The following LRRTM4 variants were observed in gnomAD, a reference collection of about 807,000 sequenced individuals.
LRRTM4 encodes the protein leucine-rich repeat transmembrane neuronal protein 4.
A neutral mutation model predicts 47.6 loss-of-function variants in LRRTM4; 25 were observed. That is an observed-to-expected ratio of 0.53 (90% confidence interval 0.38 to 0.73). LRRTM4 has a LOEUF of 0.73. Ranked by LOEUF, LRRTM4 falls within the 30% of genes least tolerant of loss-of-function variation. LRRTM4 has a pLI of 0.00. For missense variants in LRRTM4, 638 were observed against 713.4 expected, an observed-to-expected ratio of 0.89 and a Z score of 1.20; for synonymous variants, 311 against 269.5, an observed-to-expected ratio of 1.15 and a Z score of -1.51.
At chr2:77,068,289 GTTTT>G (rs917782032) in intron 3 of LRRTM4, among the ~76,000 whole-genome samples, 2 of 151,248 alleles carry the variant, frequency 1.3e-5, no homozygotes, top group Non-Finnish European at 3.0e-5. Flanking sequence ...AATGCTTCCT[GTTTT>G]TTTTTAAATT....
At chr2:77,441,216 G>C (rs1236091065) in intron 3 of LRRTM4, among the ~76,000 whole-genome samples, 1 of 152,094 alleles carries the variant, frequency 6.6e-6, no homozygotes, top group African/African-American at 2.4e-5. Flanking sequence ...CAATCCACTA[G>C]AATGAATGCT....
intron 3 of LRRTM4, among the ~76,000 whole-genome samples, chr2:76,911,979 G>C (rs565698318): frequency 6.7e-6 from 1 of 149,244 alleles, no homozygotes; most frequent in South Asian, 2.1e-4. Flanking sequence ...GCCCAGGCTG[G>C]AGTGCAGTGG....
chr2:76,910,670 A>G lies in LRRTM4; in HGVS notation c.1552-161754T>C, dbSNP rs13431799. ...CATAAATAATAACTTTGTGGCTTTGAAGAGTTATTACAATAAAATAGTCAC... is the reference window on the plus strand; with the variant it reads ...CATAAATAATAACTTTGTGGCTTTGGAGAGTTATTACAATAAAATAGTCAC... On this transcript the variant is annotated intron_variant, in intron 3 of 3. Transcript: ENST00000409884. 4.2e-3 allele frequency among the ~76,000 whole-genome samples: 644 copies of G among 152,312 alleles called. 1 individual carries two copies. The highest frequency in any genetic ancestry group is 0.015 in the African/African-American group (623 of 41,576).
At chr2:76,966,159 C>T (rs1220683309) in intron 3 of LRRTM4, among the ~76,000 whole-genome samples, 1 of 151,116 alleles carries the variant, frequency 6.6e-6, no homozygotes, top group Non-Finnish European at 1.5e-5. Flanking sequence ...TAAATGGCAA[C>T]AAATACTTTG....
At chr2:77,001,807 C>T (rs964156018) in intron 3 of LRRTM4, among the ~76,000 whole-genome samples, 9 of 152,170 alleles carry the variant, frequency 5.9e-5, no homozygotes, top group African/African-American at 2.2e-4. Flanking sequence ...TTTAGTTCAA[C>T]ACTGTTGACA....
intron 3 of LRRTM4, among the ~76,000 whole-genome samples, chr2:77,017,791 TTG>T (rs72267474): frequency 0.13 from 20,502 of 152,014 alleles, 3,586 homozygotes; most frequent in African/African-American, 0.4. Flanking sequence ...CTAACTTTAT[TTG>T]ATTAATTTAG....
chr2:77,196,909 C>A (rs1673843936), intron 3 of LRRTM4, among the ~76,000 whole-genome samples: 1 of 151,930 alleles, frequency 6.6e-6, no homozygotes, highest in South Asian at 2.1e-4. Flanking sequence ...GCTCTAGCAC[C>A]ATGTTATGTT....
Position 77,521,693 on chromosome 2 carries a change from TC to T in LRRTM4, c.-23del, listed in dbSNP as rs780532819. On this transcript the variant is annotated 5_prime_UTR_variant, in exon 2 of 4. An upstream open reading frame in the 5' UTR loses its in-frame stop. Transcript: ENST00000409884. ...CCATCCTTTGTCATCCAAAAACGTTTCCCCCCTCTCTCAGCTTTCTTCTTAT... is the reference window on the plus strand; with the variant it reads ...CCATCCTTTGTCATCCAAAAACGTTTCCCCCTCTCTCAGCTTTCTTCTTAT... 4.3e-6 allele frequency: 7 copies of T among 1,611,556 alleles called. No individual in the cohort carries two copies. The South Asian group carries it at 4.4e-5, about 10-fold the overall frequency.
intron 3 of LRRTM4, among the ~76,000 whole-genome samples, chr2:76,908,754 G>C (rs1477847820): frequency 6.6e-6 from 1 of 152,012 alleles, no homozygotes; most frequent in East Asian, 1.9e-4. Flanking sequence ...TTGCTTCAAA[G>C]AGAATAAAAT....
intron 3 of LRRTM4, among the ~76,000 whole-genome samples, chr2:76,946,607 T>C (rs1229195785): frequency 1.3e-5 from 2 of 151,790 alleles, no homozygotes; most frequent in Non-Finnish European, 3.0e-5. Context: ...TTGTCATGGT[T>C]AAAATCAGGA....
intron 3 of LRRTM4, among the ~76,000 whole-genome samples, chr2:76,833,871 C>T (rs116297274): frequency 0.016 from 2,381 of 151,540 alleles, 52 homozygotes; most frequent in African/African-American, 0.05. Flanking sequence ...ATAATGAAGA[C>T]AATTTATGTA....
intron 3 of LRRTM4, among the ~76,000 whole-genome samples, chr2:76,978,952 A>G (rs1048276135): frequency 6.6e-6 from 1 of 151,992 alleles, no homozygotes; most frequent in Non-Finnish European, 1.5e-5. Flanking sequence ...TGACGCCAGG[A>G]GACAACCTTA....
At chr2:77,407,763 T>C (rs1056504914) in intron 3 of LRRTM4, among the ~76,000 whole-genome samples, 25 of 145,426 alleles carry the variant, frequency 1.7e-4, no homozygotes, top group Middle Eastern at 7.2e-3. Flanking sequence ...TATGATATTA[T>C]ATATATGCAT....
chr2:77,011,577 G>GTGTA (rs1491025201), intron 3 of LRRTM4, among the ~76,000 whole-genome samples: 1 of 139,650 alleles, frequency 7.2e-6, no homozygotes, highest in African/African-American at 2.7e-5. Flanking sequence ...GTGTGTGTGT[G>GTGTA]TAGAATGAAG....
intron 3 of LRRTM4, among the ~76,000 whole-genome samples, chr2:77,253,977 A>G (rs1260461374): frequency 6.6e-6 from 1 of 152,082 alleles, no homozygotes; most frequent in Non-Finnish European, 1.5e-5. Flanking sequence ...CAAAATTGAC[A>G]AGATATAAAC....
At chr2:76,882,355 T>G (rs965584397) in intron 3 of LRRTM4, among the ~76,000 whole-genome samples, 6 of 151,892 alleles carry the variant, frequency 4.0e-5, no homozygotes, top group Non-Finnish European at 8.8e-5. Flanking sequence ...ATGGAGAAAA[T>G]GAGAGCACAT....
chr2:76,749,211 G>C (rs1558630796), intron 3 of LRRTM4, among the ~76,000 whole-genome samples: 1 of 152,062 alleles, frequency 6.6e-6, no homozygotes, highest in Admixed American at 6.6e-5. Context: ...TAAATGCCCA[G>C]GGAATTTTAA....
intron 3 of LRRTM4, among the ~76,000 whole-genome samples, chr2:76,784,625 G>A (rs894636468): frequency 5.9e-5 from 9 of 151,932 alleles, no homozygotes; most frequent in Non-Finnish European, 1.3e-4. Context: ...TTACTATGGG[G>A]CACCACTGAT....
chr2:76,878,940 C>CA (rs1262351699), intron 3 of LRRTM4, among the ~76,000 whole-genome samples: 1 of 151,996 alleles, frequency 6.6e-6, no homozygotes, highest in Non-Finnish European at 1.5e-5. Context: ...CTGGATAGAA[C>CA]ATCAAACCAG....
Sources: allele counts gnomAD v4.1 joint callset (sites outside exome capture counted in the v4.1 genomes callset), GRCh38; gene constraint gnomAD v4.1.1; transcripts MANE v1.5; gene names NCBI Gene and HGNC (gene_info 2026-07-23, HGNC 2026-07-21).